Variants in TNR observed in about 807,000 individuals in gnomAD.
TNR encodes tenascin-R.
Under a neutral mutation model 150.4 loss-of-function variants are expected in TNR, and 45 were observed. The observed-to-expected ratio is 0.30, with a 90% confidence interval of 0.24 to 0.38. TNR has a LOEUF of 0.38. Ranked by LOEUF, TNR falls within the 10% of genes least tolerant of loss-of-function variation. TNR has a pLI of 1.00. For synonymous variants in TNR, 687 were observed against 678.4 expected, an observed-to-expected ratio of 1.01 and a Z score of -0.20; for missense variants, 1,544 against 1,759.1, an observed-to-expected ratio of 0.88 and a Z score of 2.19.
rs775727703 is a variant in TNR, at chr1:175,355,508, G to T, written c.3244C>A (p.Arg1082Ser). Residue 1082 changes from arginine (R) to serine (S), a missense_variant, in exon 17 of 23, where the codon CGC becomes AGC. Around this residue, in one of 2 missense-constraint regions of TNR, gnomAD observed 290 missense variants for 429.7 expected, o/e 0.67. Transcript: ENST00000367674. ...CCTTTCCAGCAAAATCTCACCTTGC[G>T]GCTTCCATCGGTGGATTTGTAGGTC... is the stretch of plus-strand genomic sequence containing the variant. Reference protein sequence around the residue: ...VLTYKSTDGSRKELIVDAEDT... With the variant: ...VLTYKSTDGSSKELIVDAEDT... 1.9e-6 allele frequency: 3 copies of T among 1,613,834 alleles called. No homozygotes were observed. The highest frequency in any genetic ancestry group is 2.5e-6 in the Non-Finnish European group (3 of 1,179,850).
In TNR at chr1:175,610,397, AG is replaced by A. The variant is rs577631124; in HGVS notation, c.-164-82029del. ...CAAATTCCCATGCATTGCTTCATGA[AG>A]GATTAGCTAAACAGCTCTTCATTCC... On this transcript the variant is annotated intron_variant, in intron 1 of 22. Transcript: ENST00000367674. Among the ~76,000 whole-genome samples the A allele has an allele frequency of 3.3e-3, 497 of 152,346 alleles. 2 individuals carry two copies. The highest frequency in any genetic ancestry group is 8.2e-3 in the Admixed American group (125 of 15,304).
chr1:175,484,486 C>T (rs745832506), intron 2 of TNR, among the ~76,000 whole-genome samples: 2 of 152,098 alleles, frequency 1.3e-5, no homozygotes, highest in Non-Finnish European at 2.9e-5. Context: ...TTTTGCAGTC[C>T]ACCCTCCCCT....
intron 1 of TNR, among the ~76,000 whole-genome samples, chr1:175,618,468 C>A (rs763459177): frequency 3.3e-5 from 5 of 152,188 alleles, no homozygotes; most frequent in Non-Finnish European, 7.3e-5. Flanking sequence ...CTGGACTCAA[C>A]TGAATGCATA....
intron 1 of TNR, among the ~76,000 whole-genome samples, chr1:175,718,664 C>A (rs887911923): frequency 6.6e-6 from 1 of 152,214 alleles, no homozygotes; most frequent in Non-Finnish European, 1.5e-5. Context: ...TAAACTGAGA[C>A]CGCATAACCC....
At chr1:175,682,432 G>C (rs1332648967) in intron 1 of TNR, among the ~76,000 whole-genome samples, 1 of 151,906 alleles carries the variant, frequency 6.6e-6, no homozygotes, top group East Asian at 2.0e-4. Flanking sequence ...AGCCTCCAGA[G>C]CCTCCACTCT....
intron 1 of TNR, among the ~76,000 whole-genome samples, chr1:175,668,246 AAAG>A (rs1665589207): frequency 6.6e-6 from 1 of 152,204 alleles, no homozygotes; most frequent in Non-Finnish European, 1.5e-5. Context: ...TTACCAGAGA[AAAG>A]AAGTCAGTGT....
At chr1:175,676,408 G>C (rs1410469157) in intron 1 of TNR, among the ~76,000 whole-genome samples, 1 of 152,104 alleles carries the variant, frequency 6.6e-6, no homozygotes, top group Non-Finnish European at 1.5e-5. Flanking sequence ...CACTTTAACT[G>C]TCCCTCCAGA....
At chr1:175,517,002 A>G (rs558268267) in intron 2 of TNR, among the ~76,000 whole-genome samples, 3 of 142,966 alleles carry the variant, frequency 2.1e-5, no homozygotes, top group Non-Finnish European at 3.0e-5. Flanking sequence ...AAATTAGTAC[A>G]TCTGAAAGCT....
chr1:175,364,401 A>G (rs1207585777), intron 12 of TNR, among the ~76,000 whole-genome samples: 1 of 149,690 alleles, frequency 6.7e-6, no homozygotes, highest in Non-Finnish European at 1.5e-5. Flanking sequence ...CCAGTTTGTG[A>G]GTTCTTGTTA....
intron 1 of TNR, among the ~76,000 whole-genome samples, chr1:175,566,399 C>T (rs759461375): frequency 2.0e-5 from 3 of 152,292 alleles, no homozygotes; most frequent in East Asian, 1.9e-4. Flanking sequence ...GCTGACAACA[C>T]GGTGTTTGAG....
In TNR at chr1:175,654,976, C is replaced by T. The variant is rs565421531; in HGVS notation, c.-165+88250G>A. On this transcript the variant is annotated intron_variant, in intron 1 of 22. Coordinates refer to ENST00000367674, the MANE Select transcript of TNR (RefSeq NM_003285.3). ...TGACCTCGTGATCCGCCCACCTCAGCCTCCCAAAGTGCTGGGATTACAGGC... is the reference window on the plus strand; with the variant it reads ...TGACCTCGTGATCCGCCCACCTCAGTCTCCCAAAGTGCTGGGATTACAGGC... Among the ~76,000 whole-genome samples the T allele has an allele frequency of 4.9e-4, 75 of 152,318 alleles. No homozygotes were observed. In the South Asian group the frequency reaches 0.014, roughly 29 times the overall value.
chr1:175,425,038 C>T (rs1030798210), intron 2 of TNR, among the ~76,000 whole-genome samples: 11 of 152,038 alleles, frequency 7.2e-5, no homozygotes, highest in Non-Finnish European at 1.5e-4. Flanking sequence ...AATTCTCACC[C>T]GAAACACTAT....
intron 1 of TNR, among the ~76,000 whole-genome samples, chr1:175,592,479 A>T (rs537129432): frequency 6.6e-5 from 10 of 152,330 alleles, no homozygotes; most frequent in African/African-American, 1.9e-4. Context: ...CCCCTGCGGG[A>T]GCCTGACTGA....
At chr1:175,500,321 C>T (rs1658678703) in intron 2 of TNR, among the ~76,000 whole-genome samples, 1 of 152,158 alleles carries the variant, frequency 6.6e-6, no homozygotes, top group African/African-American at 2.4e-5. Flanking sequence ...TTACAAGTCA[C>T]GTTCTCCTCA....
chr1:175,365,296 A>T lies in TNR; in HGVS notation c.2318-17T>A, dbSNP rs369437637. On this transcript the variant is annotated splice_polypyrimidine_tract_variant and intron_variant, in intron 11 of 22. Coordinates refer to ENST00000367674, the MANE Select transcript of TNR (RefSeq NM_003285.3). ...GACGGAAGCCTGCAAAGCAAAGGAG[A>T]TGGATGGTCCTGAAACACGTGAGGA... The T allele has an allele frequency of 5.0e-6, 8 of 1,585,370 alleles. No homozygotes were observed. Among genetic ancestry groups the T allele is most frequent in the Non-Finnish European group, 6.9e-6 (8 of 1,163,380 alleles).
At chr1:175,553,999 C>T (rs1343976843) in intron 1 of TNR, among the ~76,000 whole-genome samples, 1 of 152,138 alleles carries the variant, frequency 6.6e-6, no homozygotes, top group Non-Finnish European at 1.5e-5. Context: ...TGAAAAATGG[C>T]CACAAACAGG....
intron 1 of TNR, among the ~76,000 whole-genome samples, chr1:175,670,222 G>C (rs681358): frequency 0.4 from 61,486 of 151,986 alleles, 12,767 homozygotes; most frequent in Middle Eastern, 0.5. Flanking sequence ...GGGGCACGAG[G>C]CTGGTTACTT....
intron 2 of TNR, among the ~76,000 whole-genome samples, chr1:175,519,177 C>CTGTT (rs1295875142): frequency 6.6e-6 from 1 of 152,212 alleles, no homozygotes; most frequent in Non-Finnish European, 1.5e-5. Flanking sequence ...ACACAGTCCT[C>CTGTT]TGTTACAGTT....
chr1:175,465,992 C>A (rs560566676), intron 2 of TNR, among the ~76,000 whole-genome samples: 2 of 152,288 alleles, frequency 1.3e-5, no homozygotes, highest in Admixed American at 6.5e-5. Flanking sequence ...GGCTCTGCAA[C>A]CTTGACCTCC....
Sources: gnomAD v4.1 joint callset for allele counts (sites outside exome capture counted in the v4.1 genomes callset) on GRCh38, gnomAD v4.1.1 for gene constraint, gnomAD v4.1.1 regional missense constraint, MANE v1.5 for transcripts, NCBI Gene and HGNC (gene_info 2026-07-23, HGNC 2026-07-21) for gene names.